ASIC2: variants seen among roughly 807,000 people sequenced by gnomAD.
ASIC2 encodes acid-sensing ion channel 2.
A neutral mutation model predicts 57.3 loss-of-function variants in ASIC2; 25 were observed. The observed-to-expected ratio is 0.44, with a 90% CI of 0.32 to 0.61. ASIC2 has a LOEUF of 0.61. Ranked by LOEUF, ASIC2 falls within the 20% of genes least tolerant of loss-of-function variation. ASIC2 has a pLI of 0.06. For synonymous variants in ASIC2, 319 were observed against 307.5 expected (o/e 1.04, Z -0.39); for missense variants, 641 against 738.1 (o/e 0.87, Z 1.52).
At chr17:34,013,750 G>A in intron 1 of ASIC2, among the ~76,000 whole-genome samples, 1 of 149,138 alleles carries the variant, frequency 6.7e-6, no homozygotes, top group East Asian at 1.9e-4. Context: ...GCTTCTGACT[G>A]GAGGGCCCAG....
intron 3 of ASIC2, among the ~76,000 whole-genome samples, chr17:33,038,395 T>C (rs2091917622): frequency 6.6e-6 from 1 of 152,186 alleles, no homozygotes; most frequent in African/African-American, 2.4e-5. Flanking sequence ...GGTTCAGACA[T>C]CCAAGTCAAG....
At chr17:33,484,945 C>G (rs1259276396) in intron 1 of ASIC2, among the ~76,000 whole-genome samples, 1 of 152,236 alleles carries the variant, frequency 6.6e-6, no homozygotes, top group Non-Finnish European at 1.5e-5. Flanking sequence ...ACTGTCAGCA[C>G]ACCTATGGGG....
chr17:33,183,861 G>T (rs976643633), intron 1 of ASIC2, among the ~76,000 whole-genome samples: 5 of 152,134 alleles, frequency 3.3e-5, no homozygotes, highest in Non-Finnish European at 7.3e-5. Flanking sequence ...TCAGCCTCTG[G>T]TTTTGAGTCA....
chr17:33,771,267 C>T (rs12604055), intron 1 of ASIC2, among the ~76,000 whole-genome samples: 12,146 of 152,158 alleles, frequency 0.08, 561 homozygotes, highest in East Asian at 0.22. Flanking sequence ...GACTGAGGAC[C>T]AGGGAGATCA....
chr17:33,513,957 A>G (rs1024233252), intron 1 of ASIC2, among the ~76,000 whole-genome samples: 1 of 152,200 alleles, frequency 6.6e-6, no homozygotes, highest in African/African-American at 2.4e-5. Flanking sequence ...GGGCACCAAC[A>G]CTGCCCTCAC....
At chr17:33,413,399 C>T (rs530855984) in intron 1 of ASIC2, among the ~76,000 whole-genome samples, 6 of 152,322 alleles carry the variant, frequency 3.9e-5, no homozygotes, top group African/African-American at 1.4e-4. Context: ...ATGTCCCCAA[C>T]TTGGTCCGAT....
At chr17:33,829,382 A>T (rs1358821913) in intron 1 of ASIC2, among the ~76,000 whole-genome samples, 1 of 152,102 alleles carries the variant, frequency 6.6e-6, no homozygotes, top group Non-Finnish European at 1.5e-5. Flanking sequence ...CTGCAATAAG[A>T]AGGTCTCTTT....
At chr17:33,639,500 C>G (rs1412380541) in intron 1 of ASIC2, among the ~76,000 whole-genome samples, 1 of 152,170 alleles carries the variant, frequency 6.6e-6, no homozygotes, top group Non-Finnish European at 1.5e-5. Flanking sequence ...AAGGTTCCCA[C>G]TCTGGGGTCC....
chr17:34,097,245 TAGAAA>T (rs1056778552), intron 1 of ASIC2, among the ~76,000 whole-genome samples: 7 of 151,864 alleles, frequency 4.6e-5, no homozygotes, highest in Non-Finnish European at 1.0e-4. Flanking sequence ...TCCAACTAGT[TAGAAA>T]AGGAGGGCAT....
chr17:34,126,286 G>C (rs1373279550), intron 1 of ASIC2, among the ~76,000 whole-genome samples: 1 of 152,180 alleles, frequency 6.6e-6, no homozygotes, highest in Non-Finnish European at 1.5e-5. Context: ...GTGAGACTTA[G>C]GCATCATCTG....
chr17:33,627,132 C>T (rs1447099528), intron 1 of ASIC2: 1 of 152,200 alleles, frequency 6.6e-6, no homozygotes, highest in Non-Finnish European at 1.5e-5. Context: ...AGGAAAAATG[C>T]TGTCATCCTG....
At chr17:34,128,480 G>A (rs1035425354) in intron 1 of ASIC2, among the ~76,000 whole-genome samples, 3 of 149,790 alleles carry the variant, frequency 2.0e-5, no homozygotes, top group African/African-American at 7.3e-5. Flanking sequence ...TATTCAATGT[G>A]ATAGTAGAGG....
At chr17:34,132,367 G>C (rs1422415784) in intron 1 of ASIC2, among the ~76,000 whole-genome samples, 1 of 152,178 alleles carries the variant, frequency 6.6e-6, no homozygotes, top group East Asian at 1.9e-4. Context: ...AGCGTGGAAG[G>C]ACAGGTAGAC....
At chr17:33,325,383 G>C (rs1907034730) in intron 1 of ASIC2, among the ~76,000 whole-genome samples, 1 of 152,174 alleles carries the variant, frequency 6.6e-6, no homozygotes, top group Non-Finnish European at 1.5e-5. Context: ...GAAGCTGTTG[G>C]ATGGAGAATA....
At chr17:33,409,479 T>G (rs1910581013) in intron 1 of ASIC2, among the ~76,000 whole-genome samples, 1 of 152,320 alleles carries the variant, frequency 6.6e-6, no homozygotes, top group East Asian at 1.9e-4. Flanking sequence ...ACACTAATGT[T>G]AGGAGTTTGG....
intron 1 of ASIC2, among the ~76,000 whole-genome samples, chr17:33,122,411 ATATTAT>A (rs946829061): frequency 6.6e-6 from 1 of 152,118 alleles, no homozygotes; most frequent in East Asian, 1.9e-4. Flanking sequence ...CTAGCTAATA[ATATTAT>A]TATTAATAGG....
intron 3 of ASIC2, among the ~76,000 whole-genome samples, chr17:33,056,652 C>T (rs1421951886): frequency 6.6e-6 from 1 of 152,164 alleles, no homozygotes; most frequent in East Asian, 1.9e-4. Flanking sequence ...ATGAATGACT[C>T]ACCAGGAATC....
At chr17:33,206,965 C>T (rs1437467515) in intron 1 of ASIC2, among the ~76,000 whole-genome samples, 1 of 152,204 alleles carries the variant, frequency 6.6e-6, no homozygotes, top group East Asian at 1.9e-4. Flanking sequence ...CCCTTTCTAG[C>T]AGCATCACTC....
At chr17:34,032,198 G>A (rs1907646249) in intron 1 of ASIC2, among the ~76,000 whole-genome samples, 1 of 152,088 alleles carries the variant, frequency 6.6e-6, no homozygotes. Context: ...AGAGAGTGGG[G>A]GCCAATATTC....
Sources: allele counts gnomAD v4.1 joint callset (sites outside exome capture counted in the v4.1 genomes callset), GRCh38; gene constraint gnomAD v4.1.1; transcripts MANE v1.5; gene names NCBI Gene and HGNC (gene_info 2026-07-23, HGNC 2026-07-21).